The following CFDP1 variants were observed in gnomAD, a reference collection of about 807,000 sequenced individuals.
CFDP1 encodes the protein chromatin remodeling protein CFDP1, also known as heterochromatin-stabilizing protein CFDP1.
Under a neutral mutation model 40.1 loss-of-function variants are expected in CFDP1, and 31 were observed. That is an observed-to-expected ratio of 0.77 (90% CI 0.58 to 1.04). The LOEUF (loss-of-function observed/expected upper bound fraction) is 1.04, where lower values mean the gene tolerates loss of function less well. Ranked by LOEUF, CFDP1 falls within the 50% of genes least tolerant of loss-of-function variation. The pLI is 0.00. For synonymous variants in CFDP1, 167 were observed against 120.0 expected (o/e 1.39, Z -2.56); for missense variants, 423 against 343.4 (o/e 1.23, Z -1.83).
intron 4 of CFDP1, among the ~76,000 whole-genome samples, chr16:75,408,009 T>C (rs1597391157): frequency 6.6e-6 from 1 of 151,066 alleles, no homozygotes; most frequent in African/African-American, 2.4e-5. Context: ...CAGGCTGAGG[T>C]GGGAGAATGA....
At chr16:75,318,408 CTTTT>C (rs11437738) in intron 5 of CFDP1, among the ~76,000 whole-genome samples, 1 of 138,516 alleles carries the variant, frequency 7.2e-6, no homozygotes, top group Admixed American at 7.3e-5. Flanking sequence ...TTCTTTCTTT[CTTTT>C]TTTTTTTTTT....
At chr16:75,425,390 C>CAAAA (rs34282121) in intron 1 of CFDP1, among the ~76,000 whole-genome samples, 56 of 98,974 alleles carry the variant, frequency 5.7e-4, no homozygotes, top group African/African-American at 1.8e-3. Context: ...CCATCCCCCT[C>CAAAA]AAAAAAAAAA....
In CFDP1 at chr16:75,413,757, G is replaced by A. The variant is rs559572970; in HGVS notation, c.182+821C>T. Among the ~76,000 whole-genome samples the A allele has an allele frequency of 4.3e-4, 65 of 152,220 alleles. 1 individual carries two copies. Among genetic ancestry groups the A allele is most frequent in the African/African-American group, 1.4e-3 (57 of 41,532 alleles). ...CCCAAGTGAGGTAAAAGACTTCTAT[G>A]GAAGATGCCCTTATCTAAGTTAAAT... is the stretch of plus-strand genomic sequence containing the variant. On this transcript the variant is annotated intron_variant, in intron 2 of 6. Transcript: ENST00000283882.
At chr16:75,346,066 T>A (rs142101064) in intron 5 of CFDP1, among the ~76,000 whole-genome samples, 4 of 152,216 alleles carry the variant, frequency 2.6e-5, no homozygotes, top group Admixed American at 2.0e-4. Context: ...CAAATGTCAA[T>A]GTTCAGTACT....
chr16:75,363,882 A>C (rs941720793), intron 5 of CFDP1, among the ~76,000 whole-genome samples: 13 of 151,814 alleles, frequency 8.6e-5, no homozygotes, highest in Admixed American at 7.2e-4. Flanking sequence ...CAAGCGAGCA[A>C]AACAGATTTG....
intron 5 of CFDP1, among the ~76,000 whole-genome samples, chr16:75,326,254 T>C (rs1217379891): frequency 6.6e-6 from 1 of 152,158 alleles, no homozygotes; most frequent in Non-Finnish European, 1.5e-5. Flanking sequence ...TTTGTTTGTT[T>C]GGTTTTGGAG....
chr16:75,370,748 G>T (rs988091415), intron 5 of CFDP1, among the ~76,000 whole-genome samples: 1 of 152,080 alleles, frequency 6.6e-6, no homozygotes, highest in Non-Finnish European at 1.5e-5. Flanking sequence ...TGTAATCCCA[G>T]CTACTTGGGA....
chr16:75,312,049 C>T lies in CFDP1; in HGVS notation c.651-6867G>A, dbSNP rs116175936. On this transcript the variant is annotated intron_variant, in intron 5 of 6. Coordinates refer to ENST00000283882, the MANE Select transcript of CFDP1 (RefSeq NM_006324.3). ...TTGAGGGCTGTCTGTCTTGAACCAA[C>T]GTTTCTCTTTCGCATTTTCTCTGGA... Among the ~76,000 whole-genome samples, 1,254 of 152,286 alleles carry T rather than the reference C, an allele frequency of 8.2e-3. 21 individuals carry two copies. The highest frequency in any genetic ancestry group is 0.028 in the African/African-American group (1,148 of 41,550).
intron 5 of CFDP1, among the ~76,000 whole-genome samples, chr16:75,367,686 A>AG (rs1832794884): frequency 6.6e-6 from 1 of 150,522 alleles, no homozygotes; most frequent in Non-Finnish European, 1.5e-5. Flanking sequence ...CCAGCTACTC[A>AG]GGAGGCTGAG....
At chr16:75,344,203 T>C (rs761646768) in intron 5 of CFDP1, among the ~76,000 whole-genome samples, 1 of 152,256 alleles carries the variant, frequency 6.6e-6, no homozygotes, top group African/African-American at 2.4e-5. Context: ...GCTCTGTCAG[T>C]ATATACAAGG....
intron 4 of CFDP1, among the ~76,000 whole-genome samples, chr16:75,406,241 G>C (rs964085007): frequency 2.0e-5 from 3 of 152,026 alleles, no homozygotes; most frequent in Non-Finnish European, 4.4e-5. Flanking sequence ...CTAGGCATGG[G>C]TGACCAATGC....
chr16:75,353,825 A>G (rs1567654723), intron 5 of CFDP1, among the ~76,000 whole-genome samples: 1 of 150,758 alleles, frequency 6.6e-6, no homozygotes, highest in African/African-American at 2.4e-5. Context: ...GGACCATGGT[A>G]TTAAAAGAAA....
chr16:75,367,398 A>G (rs1455961445), intron 5 of CFDP1, among the ~76,000 whole-genome samples: 1 of 151,032 alleles, frequency 6.6e-6, no homozygotes, highest in Admixed American at 6.6e-5. Flanking sequence ...CTATGTAACA[A>G]ACCTGCACAT....
intron 5 of CFDP1, among the ~76,000 whole-genome samples, chr16:75,318,467 A>G (rs1342670322): frequency 2.0e-5 from 3 of 146,490 alleles, no homozygotes; most frequent in Non-Finnish European, 3.0e-5. Flanking sequence ...GTGCAGTGGC[A>G]CAGTCTCGGC....
At chr16:75,297,146 T>TTGTGTGTGTGTGTG (rs71158596) in intron 6 of CFDP1, among the ~76,000 whole-genome samples, 5 of 133,084 alleles carry the variant, frequency 3.8e-5, no homozygotes, top group Admixed American at 3.3e-4. Flanking sequence ...TTCCCATTTC[T>TTGTGTGTGTGTGTG]TGTGTGTGTG....
intron 5 of CFDP1, chr16:75,362,879 A>G (rs2078688855): frequency 1.3e-5 from 2 of 152,310 alleles, no homozygotes; most frequent in Admixed American, 1.3e-4. Context: ...ACAGACCTCA[A>G]TGGCTGCAGC....
At chr16:75,402,334 T>G (rs941356747) in intron 4 of CFDP1, among the ~76,000 whole-genome samples, 4 of 152,202 alleles carry the variant, frequency 2.6e-5, no homozygotes, top group African/African-American at 7.2e-5. Flanking sequence ...AAGTCTTTAA[T>G]TGGGCAGAAA....
chr16:75,394,136 C>T (rs1217353102), intron 5 of CFDP1, among the ~76,000 whole-genome samples: 1 of 152,156 alleles, frequency 6.6e-6, no homozygotes, highest in Non-Finnish European at 1.5e-5. Context: ...GGGACAATAT[C>T]TGACTGAAGG....
chr16:75,381,056 G>C (rs917367810), intron 5 of CFDP1: 1 of 152,340 alleles, frequency 6.6e-6, no homozygotes, highest in East Asian at 1.9e-4. Context: ...GTAGAGTGGA[G>C]AGAGGAAGAG....
Sources: gnomAD v4.1 joint callset for allele counts (sites outside exome capture counted in the v4.1 genomes callset) on GRCh38, gnomAD v4.1.1 for gene constraint, MANE v1.5 for transcripts, NCBI Gene and HGNC (gene_info 2026-07-23, HGNC 2026-07-21) for gene names.